Variants in STS observed in about 807,000 individuals in gnomAD.
The protein encoded by STS is steroid sulfatase.
A neutral mutation model predicts 26.8 loss-of-function variants in STS; 7 were observed. The observed-to-expected ratio is 0.26, with a 90% CI of 0.15 to 0.49. STS has a LOEUF of 0.49. Ranked by LOEUF, STS falls within the 20% of genes least tolerant of loss-of-function variation. The pLI is 0.98. For missense variants in STS, 434 were observed against 465.6 expected (o/e 0.93, Z 0.63); for synonymous variants, 199 against 189.4 (o/e 1.05, Z -0.42).
chrX:7,333,841 A>C (rs1329762793), intron 9 of STS, 145 bp from the exon 10 acceptor site: 2 of 703,428 alleles, frequency 2.8e-6, no homozygotes, highest in Non-Finnish European at 4.3e-6. Flanking sequence ...AGCTGGGATC[A>C]GTGTGTTGCA....
intron 7 of STS, among the ~76,000 whole-genome samples, chrX:7,295,415 C>T (rs1217431365): frequency 1.8e-5 from 2 of 110,946 alleles, no homozygotes; most frequent in Non-Finnish European, 3.8e-5. Flanking sequence ...TAAATGGTAA[C>T]TGCTATCATT....
At chrX:7,277,852 G>T (rs564622544) in intron 7 of STS, among the ~76,000 whole-genome samples, 2 of 111,303 alleles carry the variant, frequency 1.8e-5, no homozygotes, top group Non-Finnish European at 3.8e-5. Context: ...TATATTTTTC[G>T]CATCTTAGTG....
At chrX:7,195,154 T>C (rs1265537407) in intron 2 of STS, among the ~76,000 whole-genome samples, 2 of 112,226 alleles carry the variant, frequency 1.8e-5, no homozygotes, top group Admixed American at 9.5e-5. Flanking sequence ...AATGTTTCTT[T>C]TCCATGTTGC....
intron 8 of STS, among the ~76,000 whole-genome samples, chrX:7,324,306 C>G (rs1478235648): frequency 9.1e-6 from 1 of 110,227 alleles, no homozygotes; most frequent in African/African-American, 3.3e-5. Context: ...TTGTGGAGGC[C>G]AAGGTTCTTA....
intron 9 of STS, among the ~76,000 whole-genome samples, chrX:7,331,290 T>A (rs1177173485): frequency 2.7e-5 from 3 of 111,304 alleles, no homozygotes; most frequent in Non-Finnish European, 5.7e-5. Flanking sequence ...ACCTGAAATT[T>A]TGACACAAGG....
At chrX:7,323,183 G>A (rs1233434535) in intron 8 of STS, among the ~76,000 whole-genome samples, 3 of 110,981 alleles carry the variant, frequency 2.7e-5, no homozygotes, top group Admixed American at 9.6e-5. Flanking sequence ...TCCTATGTCC[G>A]TTGTAATCAT....
At chrX:7,241,380 T>C (rs1167770475) in intron 2 of STS, among the ~76,000 whole-genome samples, 3 of 111,770 alleles carry the variant, frequency 2.7e-5, no homozygotes, top group Non-Finnish European at 5.6e-5. Context: ...AGAGCCTGAA[T>C]TTTGCTCTAT....
intron 6 of STS, among the ~76,000 whole-genome samples, chrX:7,272,112 A>G (rs1924301055): frequency 9.1e-6 from 1 of 109,752 alleles, no homozygotes; most frequent in Non-Finnish European, 1.9e-5. Flanking sequence ...TTTCCAGAAA[A>G]ACTTATTAGT....
In STS at chrX:7,223,039, AC is replaced by A. The variant is rs775091247; in HGVS notation, c.-4-30155del. Among the ~76,000 whole-genome samples, 467 of 112,198 alleles carry A rather than the reference AC, an allele frequency of 4.2e-3. 2 individuals are homozygous for A. The highest frequency in any genetic ancestry group is 0.018 in the South Asian group (49 of 2,728). Reference sequence around the variant, plus strand: ...CTGAGTTATTTCAGTAATGATAATGACCTTTAGTTCCCTCCATTTTGTTGCA... The same window carrying A: ...CTGAGTTATTTCAGTAATGATAATGACTTTAGTTCCCTCCATTTTGTTGCA... On this transcript the variant is annotated intron_variant, in intron 2 of 10. Transcript: ENST00000674429.
At position 7,190,882 on chromosome X, in the gene STS, A is replaced by T; in HGVS notation, c.-131A>T. 1 of 368,293 alleles carries T rather than the reference A, an allele frequency of 2.7e-6. No individual in the cohort carries two copies. Among genetic ancestry groups the T allele is most frequent in the African/African-American group, 2.8e-5 (1 of 36,254 alleles). The allele number at this position is 368,293 out of a possible 1,213,427, so 30.4% of individuals were successfully genotyped here. ...TCATCTTTTGAATGAATTCACAGGAAGAGCCCGATGCCCTTGGTTTGACTC... is the reference window on the plus strand; with the variant it reads ...TCATCTTTTGAATGAATTCACAGGATGAGCCCGATGCCCTTGGTTTGACTC... On this transcript the variant is annotated splice_region_variant and 5_prime_UTR_variant, in exon 2 of 11. In the 5' UTR this introduces an upstream ATG that the reference lacks. Coordinates refer to ENST00000674429, the MANE Select transcript of STS (RefSeq NM_001320752.2).
At chrX:7,313,267 G>T (rs908636205) in intron 8 of STS, among the ~76,000 whole-genome samples, 2 of 112,028 alleles carry the variant, frequency 1.8e-5, no homozygotes, top group Non-Finnish European at 3.8e-5. Flanking sequence ...TTCCCTGATG[G>T]CTGCATGGAA....
intron 1 of STS, among the ~76,000 whole-genome samples, chrX:7,173,780 A>G (rs1417966381): frequency 8.9e-6 from 1 of 111,864 alleles, no homozygotes; most frequent in Non-Finnish European, 1.9e-5. Context: ...TTACTTTTTA[A>G]TGGGGTTGTG....
At chrX:7,202,998 ATCTC>A (rs1232070648) in intron 2 of STS, among the ~76,000 whole-genome samples, 2 of 104,530 alleles carry the variant, frequency 1.9e-5, no homozygotes, top group East Asian at 3.0e-4. Flanking sequence ...CCCTCTCTTC[ATCTC>A]TCTCTTTCTT....
At chrX:7,254,731 G>A (rs1923320987) in intron 3 of STS, among the ~76,000 whole-genome samples, 1 of 108,723 alleles carries the variant, frequency 9.2e-6, no homozygotes, top group Admixed American at 9.9e-5. Flanking sequence ...CTACAGGTGT[G>A]CGCCACCATG....
chrX:7,305,405 G>T (rs974360851), intron 8 of STS, among the ~76,000 whole-genome samples: 2 of 112,364 alleles, frequency 1.8e-5, no homozygotes, highest in Admixed American at 1.9e-4. Flanking sequence ...ATGAGAGTAT[G>T]TATCTCCAAA....
chrX:7,212,327 C>T (rs751326084), intron 2 of STS, among the ~76,000 whole-genome samples: 59 of 110,337 alleles, frequency 5.3e-4, no homozygotes, highest in African/African-American at 1.9e-3. Flanking sequence ...AAAAATTAGC[C>T]GGGCATCGTG....
intron 8 of STS, among the ~76,000 whole-genome samples, chrX:7,324,970 G>T (rs186765553): frequency 9.0e-6 from 1 of 110,999 alleles, no homozygotes; most frequent in Non-Finnish European, 1.9e-5. Context: ...CGGACACTTG[G>T]GGGCACCATT....
At chrX:7,176,624 A>G (rs952012294) in intron 1 of STS, among the ~76,000 whole-genome samples, 2 of 96,515 alleles carry the variant, frequency 2.1e-5, no homozygotes, top group African/African-American at 7.6e-5. Flanking sequence ...GAAACTTACA[A>G]TCATGGCAGA....
At chrX:7,201,577 T>C (rs1174821918) in intron 2 of STS, among the ~76,000 whole-genome samples, 1 of 110,036 alleles carries the variant, frequency 9.1e-6, no homozygotes, top group Non-Finnish European at 1.9e-5. Flanking sequence ...TCCTGTCTCC[T>C]TTCTGCTTGT....
Sources: gnomAD v4.1 joint callset for allele counts (sites outside exome capture counted in the v4.1 genomes callset) on GRCh38, gnomAD v4.1.1 for gene constraint, MANE v1.5 for transcripts, NCBI Gene and HGNC (gene_info 2026-07-23, HGNC 2026-07-21) for gene names.